GRAMD2B: variants seen among roughly 807,000 people sequenced by gnomAD.
GRAMD2B encodes GRAM domain containing 2B.
GRAMD2B carries 41 observed loss-of-function variants against 59.2 expected under a neutral mutation model. The ratio of observed to expected loss-of-function variants is 0.69; its 90% CI spans 0.54 to 0.90. The LOEUF (loss-of-function observed/expected upper bound fraction) is 0.90, where lower values mean the gene tolerates loss of function less well. Ranked by LOEUF, GRAMD2B falls within the 40% of genes least tolerant of loss-of-function variation. GRAMD2B has a pLI of 0.00. For synonymous variants in GRAMD2B, 161 were observed against 182.7 expected (o/e 0.88, Z 0.96); for missense variants, 424 against 500.5 (o/e 0.85, Z 1.46).
chr5:126,379,059 C>T (rs1755441320), intron 1 of GRAMD2B, among the ~76,000 whole-genome samples: 1 of 151,872 alleles, frequency 6.6e-6, no homozygotes, highest in Non-Finnish European at 1.5e-5. Flanking sequence ...TCACCCCCCT[C>T]CCACCCTTTC....
At chr5:126,424,738 G>A (rs1760288303) in intron 1 of GRAMD2B, among the ~76,000 whole-genome samples, 1 of 152,164 alleles carries the variant, frequency 6.6e-6, no homozygotes, top group African/African-American at 2.4e-5. Context: ...AATAGTAGCT[G>A]GCACTTACTG....
intron 2 of GRAMD2B, 25 bp from the exon 3 acceptor site, chr5:126,469,652 G>C: frequency 2.0e-6 from 3 of 1,491,234 alleles, no homozygotes; most frequent in Non-Finnish European, 1.9e-6. Flanking sequence ...TTATCTTATA[G>C]ACACCCTGGA....
At chr5:126,365,051 T>C (rs1316027484) in intron 1 of GRAMD2B, among the ~76,000 whole-genome samples, 2 of 152,222 alleles carry the variant, frequency 1.3e-5, no homozygotes, top group South Asian at 4.1e-4. Context: ...GAGTAAAACA[T>C]AATTTTGATG....
At chr5:126,459,823 A>G (rs6886050) in intron 1 of GRAMD2B, among the ~76,000 whole-genome samples, 127,721 of 152,230 alleles carry the variant, frequency 0.84, 55,746 homozygotes, top group East Asian at 1. Context: ...AGATATAGAC[A>G]CTGTTGAATA....
rs78937676 is a variant in GRAMD2B at position 126,469,929 on chromosome 5, C to G, written c.315+141C>G. ...AGTTTAGAGAATTTAGAAGAACAAACAGGCAGCAGTTCCTCCAGTCCATTT... is the reference window on the plus strand; with the variant it reads ...AGTTTAGAGAATTTAGAAGAACAAAGAGGCAGCAGTTCCTCCAGTCCATTT... On this transcript the variant is annotated intron_variant, in intron 3 of 13. Transcript: ENST00000285689. 2,734 of 624,606 alleles carry G rather than the reference C, an allele frequency of 4.4e-3. 53 individuals carry two copies. The African/African-American group carries it at 0.044, about 10-fold the overall frequency. The allele number at this position is 624,606 out of a possible 1,614,324, so 38.7% of individuals were successfully genotyped here.
intron 1 of GRAMD2B, among the ~76,000 whole-genome samples, chr5:126,376,243 G>T (rs908705711): frequency 1.3e-5 from 2 of 152,206 alleles, no homozygotes; most frequent in African/African-American, 4.8e-5. Flanking sequence ...GGCCCAAGAT[G>T]GGAACTGAAG....
chr5:126,468,277 A>G (rs1341093047), intron 2 of GRAMD2B, among the ~76,000 whole-genome samples: 1 of 152,136 alleles, frequency 6.6e-6, no homozygotes, highest in African/African-American at 2.4e-5. Context: ...TGGAGCTCTG[A>G]CCTCTGTGCT....
At chr5:126,461,914 G>C (rs1438948045) in intron 1 of GRAMD2B, among the ~76,000 whole-genome samples, 1 of 152,204 alleles carries the variant, frequency 6.6e-6, no homozygotes, top group East Asian at 1.9e-4. Flanking sequence ...AAGCCTTTCA[G>C]GCAGGGACCA....
chr5:126,360,484 A>G (rs918090130), intron 1 of GRAMD2B: 4 of 1,546,028 alleles, frequency 2.6e-6, no homozygotes, highest in Non-Finnish European at 3.5e-6. Flanking sequence ...TCAGACCTGG[A>G]AAAACCATTT....
At chr5:126,480,225 T>C (rs566296225) in intron 6 of GRAMD2B, 8 of 490,890 alleles carry the variant, frequency 1.6e-5, no homozygotes, top group African/African-American at 1.6e-4. Flanking sequence ...ATGTATTTAT[T>C]ACTCTTAAAT....
intron 1 of GRAMD2B, among the ~76,000 whole-genome samples, chr5:126,377,827 A>C (rs898558843): frequency 1.3e-5 from 2 of 152,208 alleles, no homozygotes; most frequent in African/African-American, 4.8e-5. Context: ...AGTGGAAAAG[A>C]AAATAAGTTT....
At chr5:126,463,612 G>A (rs950039681) in intron 1 of GRAMD2B, among the ~76,000 whole-genome samples, 1 of 152,160 alleles carries the variant, frequency 6.6e-6, no homozygotes, top group Non-Finnish European at 1.5e-5. Flanking sequence ...CCCTTTTAAT[G>A]TATGTAACTG....
At chr5:126,469,056 TTTAG>T (rs1769036764) in intron 2 of GRAMD2B, among the ~76,000 whole-genome samples, 1 of 152,202 alleles carries the variant, frequency 6.6e-6, no homozygotes, top group Admixed American at 6.5e-5. Context: ...TGCAATATTA[TTTAG>T]TAATTTGCCT....
chr5:126,455,162 T>C (rs1418051887), intron 1 of GRAMD2B, among the ~76,000 whole-genome samples: 2 of 152,174 alleles, frequency 1.3e-5, no homozygotes, highest in African/African-American at 4.8e-5. Flanking sequence ...ACTCCCTACC[T>C]GCCTTTCTGT....
intron 1 of GRAMD2B, among the ~76,000 whole-genome samples, chr5:126,395,823 G>T (rs1457727593): frequency 6.6e-6 from 1 of 152,064 alleles, no homozygotes; most frequent in Middle Eastern, 3.2e-3. Context: ...AGGTATAGTT[G>T]ACAAATTAAA....
At chr5:126,367,843 C>G (rs899415705), upstream of GRAMD2B, among the ~76,000 whole-genome samples, 5 of 152,184 alleles carry the variant, frequency 3.3e-5, no homozygotes, top group Non-Finnish European at 7.4e-5. Flanking sequence ...GCTCCACCTT[C>G]CCGGTTCACG....
Position 126,465,551 on chromosome 5 carries a change from T to A in GRAMD2B, c.203+6T>A. 6.2e-7 allele frequency: 1 copy of A among 1,611,854 alleles called. No individual in the cohort carries two copies. Among genetic ancestry groups the A allele is most frequent in the Non-Finnish European group, 8.5e-7 (1 of 1,179,244 alleles). On this transcript the variant is annotated splice_donor_region_variant and intron_variant, in intron 2 of 13. Transcript: ENST00000285689. ...AAGAAAATCATTAGCCTATGGTAAG[T>A]CCTCCGTTGACTCTCTTTGTTCTCT...
intron 1 of GRAMD2B, among the ~76,000 whole-genome samples, chr5:126,410,593 A>C (rs1010287355): frequency 6.6e-6 from 1 of 152,136 alleles, no homozygotes; most frequent in Non-Finnish European, 1.5e-5. Flanking sequence ...TTTTGGGCTG[A>C]AACAATGGGG....
At chr5:126,373,617 G>A (rs1419844030) in intron 1 of GRAMD2B, among the ~76,000 whole-genome samples, 2 of 152,078 alleles carry the variant, frequency 1.3e-5, no homozygotes, top group Non-Finnish European at 2.9e-5. Flanking sequence ...TTTAAGACAG[G>A]CCAAAAAAAT....
Sources: gnomAD v4.1 joint callset for allele counts (sites outside exome capture counted in the v4.1 genomes callset) on GRCh38, gnomAD v4.1.1 for gene constraint, MANE v1.5 for transcripts, NCBI Gene and HGNC (gene_info 2026-07-23, HGNC 2026-07-21) for gene names.